AARS1: variants seen among roughly 807,000 people sequenced by gnomAD.
AARS1 encodes alanyl-tRNA synthetase 1.
AARS1 carries 72 observed loss-of-function variants against 108.9 expected under a neutral mutation model. That is an observed-to-expected ratio of 0.66 (90% CI 0.55 to 0.80). AARS1 has a LOEUF of 0.80. Ranked by LOEUF, AARS1 falls within the 30% of genes least tolerant of loss-of-function variation. The pLI is 0.00. For synonymous variants in AARS1, 489 were observed against 465.7 expected (o/e 1.05, Z -0.64); for missense variants, 1,193 against 1,233.2 (o/e 0.97, Z 0.49).
rs1597432867 is a variant in AARS1 at position 70,253,973 on chromosome 16, T to C, written c.2466A>G (p.Leu822=). ...KDELRETLKS[L]KKVMDDLDRA... is the part of the protein sequence containing the mutation. ...GGTCCAAGTCATCCATGACCTTCTT[T>C]AGGGATTTGAGAGTCTCCCGCAATT... The change falls in exon 18 of 21, where the codon CTA becomes CTG. Residue 822 remains leucine (L), a synonymous_variant. Coordinates refer to ENST00000261772, the MANE Select transcript of AARS1 (RefSeq NM_001605.3). The C allele has an allele frequency of 1.2e-6, 2 of 1,614,112 alleles. No individual in the cohort carries two copies. The highest frequency in any genetic ancestry group is 1.6e-4 in the Middle Eastern group (1 of 6,062).
chr16:70,269,005 G>A (rs1403752607), intron 7 of AARS1, among the ~76,000 whole-genome samples: 1 of 152,054 alleles, frequency 6.6e-6, no homozygotes, highest in Non-Finnish European at 1.5e-5. Flanking sequence ...TCAGGAGTTC[G>A]AGACCAGCCT....
intron 4 of AARS1, among the ~76,000 whole-genome samples, chr16:70,273,492 T>C (rs1052352283): frequency 6.6e-6 from 1 of 151,932 alleles, no homozygotes; most frequent in South Asian, 2.1e-4. Flanking sequence ...TCAAGGCAGG[T>C]AGATCGCTTG....
chr16:70,266,427 C>T (rs1030713079), intron 9 of AARS1, among the ~76,000 whole-genome samples: 4 of 150,644 alleles, frequency 2.7e-5, no homozygotes, highest in Admixed American at 6.6e-5. Flanking sequence ...CCCTGGGAGG[C>T]GGAGCTTGCA....
Position 70,283,836 on chromosome 16 carries a change from T to C in AARS1, c.-21-1052A>G, listed in dbSNP as rs563371082. Among the ~76,000 whole-genome samples the C allele has an allele frequency of 7.2e-5, 11 of 152,286 alleles. No individual in the cohort carries two copies. In the South Asian group the frequency reaches 2.3e-3, roughly 32 times the overall value. ...AGATTACCAGGGAGTGGGGATGCTG[T>C]AGCCCCACTTTGGAGGCACAGCTTA... On this transcript the variant is annotated intron_variant, in intron 1 of 20. Coordinates refer to ENST00000261772, the MANE Select transcript of AARS1 (RefSeq NM_001605.3).
rs1348599363 is a variant in AARS1, at chr16:70,270,380, C to T, written c.672-40G>A. 5 of 1,612,672 alleles carry T rather than the reference C, an allele frequency of 3.1e-6. No homozygotes were observed. The South Asian group carries it at 5.5e-5, about 18-fold the overall frequency. On this transcript the variant is annotated intron_variant, in intron 5 of 20. Coordinates refer to ENST00000261772, the MANE Select transcript of AARS1 (RefSeq NM_001605.3). ...AGAAGAGGAGGTTGAAGCAGAGACTCAAGCTGCCACCTCTCCAGTCCCTGC... is the reference window on the plus strand; with the variant it reads ...AGAAGAGGAGGTTGAAGCAGAGACTTAAGCTGCCACCTCTCCAGTCCCTGC...
intron 7 of AARS1, 121 bp downstream of exon 7, chr16:70,269,497 G>A (rs1960346153): frequency 7.0e-7 from 1 of 1,426,674 alleles, no homozygotes; most frequent in Non-Finnish European, 9.6e-7. Flanking sequence ...TCACGCCATT[G>A]TACTCCAGCC....
intron 7 of AARS1, among the ~76,000 whole-genome samples, chr16:70,269,295 G>A (rs974097538): frequency 6.0e-5 from 8 of 132,448 alleles, no homozygotes; most frequent in African/African-American, 2.1e-4. Context: ...ACTCTAGCCC[G>A]GGCAACAAAA....
Position 70,269,743 on chromosome 16 carries a change from G to A in AARS1, c.837C>T (p.Tyr279=), listed in dbSNP as rs201865481. 1.9e-6 allele frequency: 3 copies of A among 1,614,154 alleles called. No homozygotes were observed. Among genetic ancestry groups the A allele is most frequent in the Admixed American group, 3.3e-5 (2 of 60,002 alleles). The change falls in exon 7 of 21, where the codon TAC becomes TAT. Residue 279 remains tyrosine (Y), a synonymous_variant. Coordinates refer to ENST00000261772, the MANE Select transcript of AARS1 (RefSeq NM_001605.3). ...AIQKGTGARP[Y]TGKVGAEDAD... ...CATCCTCAGCACCAACTTTCCCAGT[G>A]TATGGTCGGGCACCTGTGCCCTATA...
At chr16:70,287,414 C>T (rs949710364) in intron 1 of AARS1, among the ~76,000 whole-genome samples, 1 of 149,734 alleles carries the variant, frequency 6.7e-6, no homozygotes, top group Non-Finnish European at 1.5e-5. Context: ...GGTGACAAAG[C>T]GAGACCTGTT....
At chr16:70,255,269 G>A (rs566847191) in intron 16 of AARS1, among the ~76,000 whole-genome samples, 12 of 144,220 alleles carry the variant, frequency 8.3e-5, no homozygotes, top group Admixed American at 2.2e-4. Flanking sequence ...GTGCGATCTC[G>A]GCTCACTGCA....
intron 12 of AARS1, among the ~76,000 whole-genome samples, chr16:70,261,793 C>G (rs746504414): frequency 1.3e-5 from 2 of 151,388 alleles, no homozygotes; most frequent in Non-Finnish European, 2.9e-5. Context: ...TCTCAGCTTC[C>G]CGAGCAGGTG....
chr16:70,269,089 C>A (rs1193389212), intron 7 of AARS1, among the ~76,000 whole-genome samples: 2 of 151,734 alleles, frequency 1.3e-5, no homozygotes, highest in Middle Eastern at 3.2e-3. Flanking sequence ...TGTGGGAGGC[C>A]GAGGCGGGCG....
intron 11 of AARS1, among the ~76,000 whole-genome samples, chr16:70,263,021 A>G (rs1265544835): frequency 7.0e-6 from 1 of 142,138 alleles, no homozygotes; most frequent in Non-Finnish European, 1.5e-5. Context: ...AGGGCTTCGC[A>G]TGCTGGCTTT....
chr16:70,258,939 C>A (rs373963866), intron 14 of AARS1, 41 bp downstream of exon 14: 2 of 1,579,856 alleles, frequency 1.3e-6, no homozygotes, highest in Non-Finnish European at 1.7e-6. Flanking sequence ...CAGACAGTGA[C>A]GGTGTGGGGA....
chr16:70,271,183 A>C (rs1960392507), intron 5 of AARS1, among the ~76,000 whole-genome samples: 1 of 148,944 alleles, frequency 6.7e-6, no homozygotes, highest in African/African-American at 2.5e-5. Flanking sequence ...TCCAAAAACA[A>C]AAACAAAAAC....
intron 2 of AARS1, among the ~76,000 whole-genome samples, chr16:70,279,593 T>C (rs943121461): frequency 1.4e-5 from 2 of 140,998 alleles, no homozygotes; most frequent in African/African-American, 5.4e-5. Context: ...CCAGGAGGCG[T>C]AGGCTGCAGT....
At chr16:70,287,070 T>C (rs1169089799) in intron 1 of AARS1, among the ~76,000 whole-genome samples, 1 of 151,090 alleles carries the variant, frequency 6.6e-6, no homozygotes, top group Non-Finnish European at 1.5e-5. Context: ...GCTAACACGG[T>C]GAAACCCCGT....
chr16:70,270,137 T>TA (rs1165748659), intron 6 of AARS1, 59 bp downstream of exon 6: 136 of 1,601,456 alleles, frequency 8.5e-5, no homozygotes, highest in Non-Finnish European at 1.0e-4. Context: ...ACAGCACTGT[T>TA]AAGAGTACAG....
chr16:70,258,942 T>G (rs147291818), intron 14 of AARS1, 38 bp downstream of exon 14: 1 of 1,582,810 alleles, frequency 6.3e-7, no homozygotes, highest in Non-Finnish European at 8.7e-7. Flanking sequence ...ACAGTGACGG[T>G]GTGGGGAGGG....
Sources: allele counts gnomAD v4.1 joint callset (sites outside exome capture counted in the v4.1 genomes callset), GRCh38; gene constraint gnomAD v4.1.1; transcripts MANE v1.5; gene names NCBI Gene and HGNC (gene_info 2026-07-23, HGNC 2026-07-21).